RIMS1: variants seen among roughly 807,000 people sequenced by gnomAD.
RIMS1 encodes regulating synaptic membrane exocytosis protein 1.
A neutral mutation model predicts 214.1 loss-of-function variants in RIMS1; 83 were observed. The ratio of observed to expected loss-of-function variants is 0.39; its 90% CI spans 0.32 to 0.47. RIMS1 has a LOEUF of 0.47. Among genes scored for constraint, RIMS1 ranks in the 20% least tolerant of loss-of-function variants. RIMS1 has a pLI of 0.99. For synonymous variants in RIMS1, 793 were observed against 786.8 expected (o/e 1.01, Z -0.13); for missense variants, 2,050 against 2,161.8 (o/e 0.95, Z 1.03).
chr6:72,340,514 T>G lies in RIMS1; in HGVS notation c.4366+6679T>G, dbSNP rs959947879. Among the ~76,000 whole-genome samples, 3 of 152,132 alleles carry G rather than the reference T, an allele frequency of 2.0e-5. No individual in the cohort carries two copies. In the South Asian group the frequency reaches 6.2e-4, roughly 31 times the overall value. ...AGCTTTCTACATATGGCTAGCCAGT[T>G]TTCCCAGCACCATTTATTAAATAGG... On this transcript the variant is annotated intron_variant, in intron 29 of 33. Coordinates refer to ENST00000521978, the MANE Select transcript of RIMS1 (RefSeq NM_014989.7).
chr6:71,997,475 T>A (rs1254414378), intron 2 of RIMS1, among the ~76,000 whole-genome samples: 1 of 152,204 alleles, frequency 6.6e-6, no homozygotes, highest in Non-Finnish European at 1.5e-5. Flanking sequence ...TAAATTGCTG[T>A]CCCTTTCATT....
At chr6:71,984,652 C>T (rs72929596) in intron 2 of RIMS1, among the ~76,000 whole-genome samples, 10,304 of 152,086 alleles carry the variant, frequency 0.068, 404 homozygotes, top group Non-Finnish European at 0.083. Context: ...TCCAGGTGCT[C>T]TTTTTATTTC....
intron 2 of RIMS1, among the ~76,000 whole-genome samples, chr6:72,025,564 A>C (rs1816170395): frequency 6.6e-6 from 1 of 152,246 alleles, no homozygotes; most frequent in Admixed American, 6.5e-5. Flanking sequence ...CATACTGCAC[A>C]CATAGTGCAC....
intron 6 of RIMS1, among the ~76,000 whole-genome samples, chr6:72,185,270 A>T (rs2048935601): frequency 6.6e-6 from 1 of 150,908 alleles, no homozygotes; most frequent in Non-Finnish European, 1.5e-5. Flanking sequence ...ATCTGGAAGG[A>T]TTACACCATT....
At chr6:72,068,000 C>A (rs1369563456) in intron 2 of RIMS1, among the ~76,000 whole-genome samples, 1 of 152,080 alleles carries the variant, frequency 6.6e-6, no homozygotes, top group African/African-American at 2.4e-5. Context: ...CATGCTTGAC[C>A]CAAACTGTTC....
intron 4 of RIMS1, among the ~76,000 whole-genome samples, chr6:72,126,069 C>T (rs1021972363): frequency 1.3e-5 from 2 of 150,960 alleles, no homozygotes; most frequent in Non-Finnish European, 3.0e-5. Context: ...TCTTCTGTGT[C>T]GATCTCACTG....
intron 1 of RIMS1, among the ~76,000 whole-genome samples, chr6:71,902,930 G>A (rs1774142678): frequency 6.6e-6 from 1 of 152,036 alleles, no homozygotes; most frequent in Non-Finnish European, 1.5e-5. Flanking sequence ...TCTATCACTG[G>A]TGGCCATTTG....
chr6:72,339,255 C>G (rs529151416), intron 29 of RIMS1, among the ~76,000 whole-genome samples: 1 of 151,500 alleles, frequency 6.6e-6, no homozygotes, highest in Non-Finnish European at 1.5e-5. Flanking sequence ...GGGAAGAGTA[C>G]TTTTTTTTCA....
At chr6:72,356,973 G>T (rs564728326) in intron 29 of RIMS1, among the ~76,000 whole-genome samples, 4 of 152,208 alleles carry the variant, frequency 2.6e-5, no homozygotes, top group African/African-American at 7.2e-5. Context: ...TTTAAAGCCA[G>T]ACATACATAT....
At chr6:72,183,705 T>A (rs1047077848) in intron 6 of RIMS1, among the ~76,000 whole-genome samples, 1 of 151,422 alleles carries the variant, frequency 6.6e-6, no homozygotes, top group Non-Finnish European at 1.5e-5. Flanking sequence ...TATACTGGAT[T>A]TTTTTTTTGA....
intron 22 of RIMS1, among the ~76,000 whole-genome samples, chr6:72,272,683 C>G (rs750629812): frequency 2.6e-5 from 4 of 151,942 alleles, no homozygotes; most frequent in South Asian, 2.1e-4. Flanking sequence ...GAATTTTGCC[C>G]TAGGAAGCAA....
chr6:72,303,601 T>A (rs1301453304), intron 26 of RIMS1, among the ~76,000 whole-genome samples: 1 of 151,452 alleles, frequency 6.6e-6, no homozygotes, highest in Admixed American at 6.6e-5. Context: ...ATGGTTTTCA[T>A]TTAACTCTTA....
At chr6:72,326,713 C>T (rs551065323) in intron 28 of RIMS1, among the ~76,000 whole-genome samples, 8 of 151,772 alleles carry the variant, frequency 5.3e-5, no homozygotes, top group Admixed American at 2.0e-4. Flanking sequence ...AATGTGCCCC[C>T]GACAAAGGGT....
At chr6:72,211,286 A>G (rs2053765289) in intron 6 of RIMS1, among the ~76,000 whole-genome samples, 1 of 152,152 alleles carries the variant, frequency 6.6e-6, no homozygotes, top group Non-Finnish European at 1.5e-5. Flanking sequence ...TAGCCAGTAA[A>G]CTCAGTAGTA....
intron 2 of RIMS1, among the ~76,000 whole-genome samples, chr6:72,024,144 G>A (rs189824555): frequency 5.3e-5 from 8 of 152,204 alleles, no homozygotes; most frequent in Non-Finnish European, 7.4e-5. Context: ...TGCCTCTCAA[G>A]CATTTCTCTT....
In RIMS1 at chr6:72,395,968, A is replaced by G. The variant is rs865997128; in HGVS notation, c.4619-2281A>G. On this transcript the variant is annotated intron_variant, in intron 31 of 33. Transcript: ENST00000521978. Reference sequence around the variant, plus strand: ...TAAAAATTATATATATAATTGAAAAATTTTCAGAACTGAAAATAAATATAG... The same window carrying G: ...TAAAAATTATATATATAATTGAAAAGTTTTCAGAACTGAAAATAAATATAG... 4.1e-4 allele frequency among the ~76,000 whole-genome samples: 62 copies of G among 151,856 alleles called. 1 individual carries two copies. The highest frequency in any genetic ancestry group is 1.4e-3 in the African/African-American group (60 of 41,516).
chr6:72,186,526 T>C (rs2049120904), intron 6 of RIMS1, among the ~76,000 whole-genome samples: 1 of 152,202 alleles, frequency 6.6e-6, no homozygotes, highest in African/African-American at 2.4e-5. Context: ...AGTTTGAAGA[T>C]TCTCCTCATT....
chr6:72,335,909 T>A (rs182427276), intron 29 of RIMS1, among the ~76,000 whole-genome samples: 34 of 151,998 alleles, frequency 2.2e-4, no homozygotes, highest in African/African-American at 7.0e-4. Context: ...TTTGCCCATT[T>A]TATGATGGGG....
chr6:72,335,944 T>TA (rs1458613183), intron 29 of RIMS1, among the ~76,000 whole-genome samples: 1 of 151,972 alleles, frequency 6.6e-6, no homozygotes, highest in Non-Finnish European at 1.5e-5. Flanking sequence ...TAAATTTGTT[T>TA]AAGTTCTTTC....
Sources: allele counts gnomAD v4.1 joint callset (sites outside exome capture counted in the v4.1 genomes callset), GRCh38; gene constraint gnomAD v4.1.1; transcripts MANE v1.5; gene names NCBI Gene and HGNC (gene_info 2026-07-23, HGNC 2026-07-21).